COX10: variants seen among roughly 807,000 people sequenced by gnomAD.
COX10 encodes the protein cytochrome c oxidase assembly factor heme A:farnesyltransferase COX10, also known as protoheme IX farnesyltransferase, mitochondrial.
Under a neutral mutation model 37.3 loss-of-function variants are expected in COX10, and 27 were observed. That is an observed-to-expected ratio of 0.72 (90% confidence interval 0.53 to 1.00). The LOEUF is 1.00. COX10 is among the 50% of genes least tolerant of loss of function. The pLI is 0.00. For missense variants in COX10, 475 were observed against 563.2 expected, an observed-to-expected ratio of 0.84 and a Z score of 1.59; for synonymous variants, 222 against 229.1, an observed-to-expected ratio of 0.97 and a Z score of 0.28.
rs114838394 is a variant in COX10, at chr17:14,101,988, C to T, written c.500-130C>T. 1.1e-3 allele frequency: 1,221 copies of T among 1,110,290 alleles called. 10 individuals are homozygous for T. In the African/African-American group the frequency reaches 0.016, roughly 15 times the overall value. The allele number at this position is 1,110,290 out of a possible 1,614,324, so 68.8% of individuals were successfully genotyped here. On this transcript the variant is annotated intron_variant, in intron 3 of 6. Transcript: ENST00000261643. ...TGTGGATCTTTTTTAAGCCAAAGAT[C>T]AGCCTGTACTTTGTGTTATTAATAT...
At chr17:14,206,616 A>G (rs1338382295) in intron 6 of COX10, among the ~76,000 whole-genome samples, 194 bp from the exon 7 acceptor site, 6 of 152,038 alleles carry the variant, frequency 3.9e-5, no homozygotes. Context: ...ATCTTAGCTC[A>G]TCGGCTGCCC....
intron 5 of COX10, among the ~76,000 whole-genome samples, chr17:14,169,527 AGAAC>A (rs1375198930): frequency 6.6e-6 from 1 of 152,184 alleles, no homozygotes; most frequent in African/African-American, 2.4e-5. Context: ...ACTGCTGTAA[AGAAC>A]TACCTAAGAC....
intron 6 of COX10, among the ~76,000 whole-genome samples, chr17:14,206,072 T>C (rs1906689422): frequency 6.6e-6 from 1 of 152,162 alleles, no homozygotes; most frequent in African/African-American, 2.4e-5. Context: ...GCTTGTGCCA[T>C]TGTGCCAGGC....
At position 14,069,515 on chromosome 17, in the gene COX10, A is replaced by AG. The variant is rs879195393; in HGVS notation, c.-85dup. ...AGTGGCGGCCCGGAACTACTCCCACAGGGGGGCGGGGAAGGAAGATGGCGG... is the reference window on the plus strand; with the variant it reads ...AGTGGCGGCCCGGAACTACTCCCACAGGGGGGGCGGGGAAGGAAGATGGCGG... On this transcript the variant is annotated 5_prime_UTR_variant, in exon 1 of 7. Transcript: ENST00000261643. 93 of 1,506,458 alleles carry AG rather than the reference A, an allele frequency of 6.2e-5. No individual in the cohort carries two copies. The highest frequency in any genetic ancestry group is 7.8e-5 in the Non-Finnish European group (85 of 1,091,302). The allele number at this position is 1,506,458 out of a possible 1,614,324, so 93.3% of individuals were successfully genotyped here. A position where few individuals can be genotyped will look rare whatever the true frequency, so the allele number is the denominator to read the frequency against.
At chr17:14,078,485 A>G (rs986833603) in intron 3 of COX10, among the ~76,000 whole-genome samples, 2 of 152,012 alleles carry the variant, frequency 1.3e-5, no homozygotes, top group Admixed American at 1.3e-4. Context: ...AGTCTTCTTC[A>G]CTTTTTGCTC....
chr17:14,159,284 C>G (rs982348606), intron 4 of COX10, among the ~76,000 whole-genome samples: 2 of 152,180 alleles, frequency 1.3e-5, no homozygotes, highest in Non-Finnish European at 2.9e-5. Context: ...ATCAGTAGCC[C>G]ATTCCCCAGG....
intron 4 of COX10, among the ~76,000 whole-genome samples, chr17:14,110,443 G>A (rs1379861938): frequency 6.6e-6 from 1 of 151,892 alleles, no homozygotes; most frequent in Non-Finnish European, 1.5e-5. Flanking sequence ...AATTAATTGA[G>A]ACATAATGGA....
chr17:14,100,797 G>A (rs1462939896), intron 3 of COX10, among the ~76,000 whole-genome samples: 2 of 149,060 alleles, frequency 1.3e-5, no homozygotes, highest in African/African-American at 5.0e-5. Flanking sequence ...GAAGCAAGAT[G>A]GAAGCAAGGA....
At chr17:14,076,422 C>T (rs535770473) in intron 2 of COX10, among the ~76,000 whole-genome samples, 3 of 148,818 alleles carry the variant, frequency 2.0e-5, no homozygotes, top group South Asian at 4.4e-4. Context: ...GAATGTTAAG[C>T]CTCCAGGGAA....
At chr17:14,173,974 A>G (rs1246876295) in intron 5 of COX10, among the ~76,000 whole-genome samples, 1 of 152,138 alleles carries the variant, frequency 6.6e-6, no homozygotes, top group Non-Finnish European at 1.5e-5. Flanking sequence ...CACAAAAGCC[A>G]CAAACCATGC....
At chr17:14,164,471 C>A (rs552693763) in intron 5 of COX10, among the ~76,000 whole-genome samples, 1 of 152,126 alleles carries the variant, frequency 6.6e-6, no homozygotes, top group Non-Finnish European at 1.5e-5. Flanking sequence ...GTATGTTTCT[C>A]AAATTCCCTT....
At chr17:14,128,132 A>G (rs1916386269) in intron 4 of COX10, among the ~76,000 whole-genome samples, 1 of 152,058 alleles carries the variant, frequency 6.6e-6, no homozygotes, top group Non-Finnish European at 1.5e-5. Flanking sequence ...AATTTCACTG[A>G]ACTGAATTCT....
At chr17:14,196,132 A>T (rs1443267982) in intron 6 of COX10, among the ~76,000 whole-genome samples, 2 of 152,140 alleles carry the variant, frequency 1.3e-5, no homozygotes, top group Non-Finnish European at 2.9e-5. Context: ...ATCACTTTAG[A>T]TCACCACCTT....
At chr17:14,155,134 A>T (rs931469045) in intron 4 of COX10, among the ~76,000 whole-genome samples, 3 of 152,186 alleles carry the variant, frequency 2.0e-5, no homozygotes, top group Admixed American at 6.5e-5. Flanking sequence ...CCAAATAATC[A>T]GGATATGGTG....
chr17:14,208,578 T>C lies in COX10; in HGVS notation c.*1365T>C, dbSNP rs1906778206. ...GGTATTTACTGTGGAGAACATTGCA[T>C]AGGAATGTCTGGAAAAAGCCTCTAC... is the stretch of plus-strand genomic sequence containing the variant. On this transcript the variant is annotated 3_prime_UTR_variant, in exon 7 of 7. Transcript: ENST00000261643. 6.6e-6 allele frequency: 1 copy of C among 152,226 alleles called. No individual in the cohort carries two copies. The highest frequency in any genetic ancestry group is 2.4e-5 in the African/African-American group (1 of 41,458). The allele number at this position is 152,226 out of a possible 1,614,324, so 9.4% of individuals were successfully genotyped here. A position where few individuals can be genotyped will look rare whatever the true frequency, so the allele number is the denominator to read the frequency against.
At chr17:14,123,319 C>T (rs116825900) in intron 4 of COX10, among the ~76,000 whole-genome samples, 1,855 of 152,214 alleles carry the variant, frequency 0.012, 31 homozygotes, top group African/African-American at 0.043. Flanking sequence ...TTTTAAGTTG[C>T]GTATTCACAA....
intron 4 of COX10, among the ~76,000 whole-genome samples, chr17:14,114,222 A>G (rs1916064522): frequency 6.6e-6 from 1 of 152,214 alleles, no homozygotes; most frequent in Admixed American, 6.6e-5. Context: ...GGTACTCTAG[A>G]TATCATTATT....
intron 4 of COX10, among the ~76,000 whole-genome samples, chr17:14,115,964 C>T (rs979203727): frequency 5.3e-5 from 8 of 152,150 alleles, no homozygotes; most frequent in African/African-American, 1.9e-4. Context: ...GACTTCACCA[C>T]TGTGCAATCT....
At chr17:14,200,202 G>C (rs930249827) in intron 6 of COX10, among the ~76,000 whole-genome samples, 5 of 152,150 alleles carry the variant, frequency 3.3e-5, no homozygotes, top group African/African-American at 1.2e-4. Flanking sequence ...TCCAGCTTGA[G>C]GATTTTTGTC....
Sources: gnomAD v4.1 joint callset for allele counts (sites outside exome capture counted in the v4.1 genomes callset) on GRCh38, gnomAD v4.1.1 for gene constraint, MANE v1.5 for transcripts, NCBI Gene and HGNC (gene_info 2026-07-23, HGNC 2026-07-21) for gene names.